The following TMTC2 variants were observed in gnomAD, a reference collection of about 807,000 sequenced individuals.
TMTC2 encodes the protein protein O-mannosyl-transferase TMTC2.
In TMTC2, 43 loss-of-function variants were observed where a neutral mutation model predicts 82.4. The ratio of observed to expected loss-of-function variants is 0.52; its 90% confidence interval spans 0.41 to 0.67. The LOEUF is 0.67. Among genes scored for constraint, TMTC2 ranks in the 30% least tolerant of loss-of-function variants. TMTC2 has a pLI of 0.00. For missense variants in TMTC2, 919 were observed against 1,012.4 expected (o/e 0.91, Z 1.25); for synonymous variants, 408 against 381.9 (o/e 1.07, Z -0.80).
intron 1 of TMTC2, among the ~76,000 whole-genome samples, chr12:82,715,773 G>T (rs1256719362): frequency 1.3e-5 from 2 of 152,112 alleles, no homozygotes; most frequent in African/African-American, 4.8e-5. Context: ...GAAGCTGCCC[G>T]TTCAGTTCAG....
At chr12:82,826,940 CTA>C (rs1869454043) in intron 1 of TMTC2, among the ~76,000 whole-genome samples, 1 of 152,130 alleles carries the variant, frequency 6.6e-6, no homozygotes, top group African/African-American at 2.4e-5. Context: ...TTTTATGTAT[CTA>C]TTTTTTAAAG....
chr12:83,066,580 G>A (rs948140692), intron 11 of TMTC2, among the ~76,000 whole-genome samples: 1 of 151,934 alleles, frequency 6.6e-6, no homozygotes, highest in Non-Finnish European at 1.5e-5. Flanking sequence ...TGTGTTTGAG[G>A]AAATAGAGTT....
At chr12:82,719,182 C>T (rs1854782033) in intron 1 of TMTC2, among the ~76,000 whole-genome samples, 1 of 146,954 alleles carries the variant, frequency 6.8e-6, no homozygotes, top group Non-Finnish European at 1.5e-5. Context: ...CAACCTCTGC[C>T]TCCCAGATTC....
At chr12:82,860,159 AGGCCAGGTTTCACCATGTT>A (rs142229242) in intron 2 of TMTC2, among the ~76,000 whole-genome samples, 5,365 of 152,092 alleles carry the variant, frequency 0.035, 321 homozygotes, top group African/African-American at 0.12. Flanking sequence ...TTTTTAGTAG[AGGCCAGGTTTCACCATGTT>A]GGCCAGGATG....
intron 1 of TMTC2, among the ~76,000 whole-genome samples, chr12:82,751,943 G>A (rs781629795): frequency 3.4e-4 from 51 of 151,908 alleles, no homozygotes; most frequent in Non-Finnish European, 5.7e-4. Context: ...ACTGCCTCTC[G>A]ATCATTGTGA....
intron 11 of TMTC2, among the ~76,000 whole-genome samples, chr12:83,092,964 T>C (rs1207653471): frequency 1.3e-5 from 2 of 152,230 alleles, no homozygotes; most frequent in African/African-American, 4.8e-5. Context: ...GTTTGAAACG[T>C]GTGTTCAGTA....
chr12:82,971,360 A>C (rs1429319041), intron 7 of TMTC2, among the ~76,000 whole-genome samples: 1 of 152,144 alleles, frequency 6.6e-6, no homozygotes, highest in Non-Finnish European at 1.5e-5. Context: ...TTTACTATAA[A>C]GAATGAAACA....
At chr12:82,787,338 T>C (rs1878223940) in intron 1 of TMTC2, among the ~76,000 whole-genome samples, 1 of 152,124 alleles carries the variant, frequency 6.6e-6, no homozygotes, top group Admixed American at 6.5e-5. Flanking sequence ...TTTAACTATT[T>C]CTGAGTTGGA....
intron 1 of TMTC2, among the ~76,000 whole-genome samples, chr12:82,713,325 A>G (rs998353563): frequency 6.3e-4 from 95 of 150,702 alleles, no homozygotes; most frequent in African/African-American, 2.3e-3. Context: ...CAAAAAAAAA[A>G]GAAAAACAAA....
chr12:83,084,769 C>G (rs1351143020), intron 11 of TMTC2, among the ~76,000 whole-genome samples: 1 of 152,186 alleles, frequency 6.6e-6, no homozygotes, highest in Non-Finnish European at 1.5e-5. Flanking sequence ...GGCACCTACA[C>G]TGAAGGGGGA....
intron 11 of TMTC2, among the ~76,000 whole-genome samples, chr12:83,101,982 A>T (rs1051954777): frequency 5.3e-5 from 8 of 152,212 alleles, no homozygotes. Context: ...GGGAAATTGC[A>T]TGGGGAAAGC....
intron 11 of TMTC2, among the ~76,000 whole-genome samples, chr12:83,093,721 G>A (rs1028041306): frequency 6.6e-6 from 1 of 152,160 alleles, no homozygotes; most frequent in Non-Finnish European, 1.5e-5. Flanking sequence ...TCCAACAGTA[G>A]AGAGAAGAGA....
At chr12:83,004,673 T>C (rs1197255478) in intron 8 of TMTC2, among the ~76,000 whole-genome samples, 1 of 149,862 alleles carries the variant, frequency 6.7e-6, no homozygotes, top group Non-Finnish European at 1.5e-5. Flanking sequence ...GATCTTTATT[T>C]GTGGAAAGAT....
chr12:82,922,326 A>T (rs1274178944), intron 3 of TMTC2, among the ~76,000 whole-genome samples: 6 of 152,186 alleles, frequency 3.9e-5, no homozygotes, highest in Non-Finnish European at 8.8e-5. Flanking sequence ...CCAAAGTGAA[A>T]ATTTGAAGAT....
intron 9 of TMTC2, among the ~76,000 whole-genome samples, chr12:83,034,700 G>A (rs1881591422): frequency 6.6e-6 from 1 of 152,110 alleles, no homozygotes; most frequent in Non-Finnish European, 1.5e-5. Context: ...ATAAGAGTAG[G>A]GATGGTGTGT....
intron 1 of TMTC2, among the ~76,000 whole-genome samples, chr12:82,768,386 C>T (rs1259891683): frequency 6.6e-6 from 1 of 152,146 alleles, no homozygotes; most frequent in African/African-American, 2.4e-5. Context: ...CCCTAGAACA[C>T]TTCTGATTTT....
chr12:82,817,462 A>G (rs1171562622), intron 1 of TMTC2, among the ~76,000 whole-genome samples: 1 of 152,084 alleles, frequency 6.6e-6, no homozygotes, highest in Non-Finnish European at 1.5e-5. Context: ...TATATCCTGT[A>G]ATAATTCTTG....
chr12:83,077,487 G>C (rs568081151), intron 11 of TMTC2, among the ~76,000 whole-genome samples: 1 of 152,074 alleles, frequency 6.6e-6, no homozygotes, highest in African/African-American at 2.4e-5. Flanking sequence ...CTATATGAAG[G>C]CTGTCATATT....
At chr12:83,036,076 G>A (rs1176988734) in intron 9 of TMTC2, among the ~76,000 whole-genome samples, 1 of 152,090 alleles carries the variant, frequency 6.6e-6, no homozygotes, top group African/African-American at 2.4e-5. Flanking sequence ...TTAACAGTGA[G>A]TTTCTAAAAA....
Sources: allele counts gnomAD v4.1 joint callset (sites outside exome capture counted in the v4.1 genomes callset), GRCh38; gene constraint gnomAD v4.1.1; transcripts MANE v1.5; gene names NCBI Gene and HGNC (gene_info 2026-07-23, HGNC 2026-07-21).